Variants in RDX observed in about 807,000 individuals in gnomAD.
RDX encodes deafness, autosomal recessive 24.
RDX carries 32 observed loss-of-function variants against 83.7 expected under a neutral mutation model. That is an observed-to-expected ratio of 0.38 (90% CI 0.29 to 0.51). The LOEUF (loss-of-function observed/expected upper bound fraction) is 0.51. Among genes scored for constraint, RDX ranks in the 20% least tolerant of loss-of-function variants. RDX has a pLI of 0.87. For synonymous variants in RDX, 229 were observed against 222.7 expected (o/e 1.03, Z -0.25); for missense variants, 600 against 689.9 (o/e 0.87, Z 1.46).
At chr11:110,258,836 T>G (rs1334324053) in intron 5 of RDX, among the ~76,000 whole-genome samples, 1 of 151,690 alleles carries the variant, frequency 6.6e-6, no homozygotes, top group Non-Finnish European at 1.5e-5. Context: ...ATCCTTCCAG[T>G]GTTCTTAATT....
chr11:110,211,545 C>G (rs1863838862), intron 14 of RDX, among the ~76,000 whole-genome samples: 1 of 151,464 alleles, frequency 6.6e-6, no homozygotes, highest in Admixed American at 6.6e-5. Context: ...TTTTCAGCAC[C>G]ACACCACACC....
chr11:110,236,027 T>C lies in RDX; in HGVS notation c.1344+72A>G, dbSNP rs1359802336. 1.3e-5 allele frequency: 13 copies of C among 1,039,092 alleles called. No homozygotes were observed. The East Asian group carries it at 2.4e-4, about 19-fold the overall frequency. 64.4% of individuals were successfully genotyped at this position (1,039,092 alleles called of 1,614,324 possible). ...AAATTATGACAGTATCTTACACTTA[T>C]CACTACAAAGTCAGCATAATCCTGG... On this transcript the variant is annotated intron_variant, in intron 12 of 13. Transcript: ENST00000645495.
At chr11:110,233,192 G>A (rs1864707771) in intron 13 of RDX, 45 bp downstream of exon 13, 4 of 1,608,730 alleles carry the variant, frequency 2.5e-6, no homozygotes, top group Non-Finnish European at 3.4e-6. Context: ...TGGGGAAAAT[G>A]CAAACTATAT....
downstream of RDX, among the ~76,000 whole-genome samples, chr11:110,228,472 C>T (rs1240623666): frequency 2.6e-5 from 4 of 151,996 alleles, no homozygotes; most frequent in Non-Finnish European, 4.4e-5. Flanking sequence ...GAACTGTTTT[C>T]TCTTATTCTT....
chr11:110,276,539 T>G, intron 2 of RDX, among the ~76,000 whole-genome samples: 1 of 152,212 alleles, frequency 6.6e-6, no homozygotes, highest in Non-Finnish European at 1.5e-5. Context: ...TGATTTAGTA[T>G]TGGAACAACA....
At chr11:110,251,956 T>C (rs1307727374) in intron 9 of RDX, among the ~76,000 whole-genome samples, 1 of 152,196 alleles carries the variant, frequency 6.6e-6, no homozygotes, top group African/African-American at 2.4e-5. Flanking sequence ...AGCATACCTC[T>C]GGGCATTCTC....
At chr11:110,289,688 G>A (rs371724194) in intron 1 of RDX, among the ~76,000 whole-genome samples, 11 of 152,012 alleles carry the variant, frequency 7.2e-5, no homozygotes, top group East Asian at 1.9e-4. Context: ...AAGCCAAGGC[G>A]GGTGAATCAC....
intron 9 of RDX, 64 bp downstream of exon 9, chr11:110,253,882 G>A: frequency 7.2e-7 from 1 of 1,387,614 alleles, no homozygotes; most frequent in Non-Finnish European, 1.0e-6. Context: ...AAAAAACTGA[G>A]CAGTCTTAAA....
intron 14 of RDX, among the ~76,000 whole-genome samples, chr11:110,208,634 T>C (rs920241098): frequency 2.6e-5 from 4 of 152,222 alleles, no homozygotes; most frequent in Non-Finnish European, 5.9e-5. Flanking sequence ...GACTCTTCTT[T>C]GATTTCTAGG....
intron 15 of RDX, among the ~76,000 whole-genome samples, chr11:110,192,668 A>G (rs999807917): frequency 6.6e-6 from 1 of 152,224 alleles, no homozygotes; most frequent in Non-Finnish European, 1.5e-5. Context: ...TCATTCAAGA[A>G]GCAAAAAACA....
At chr11:110,233,142 T>G in intron 13 of RDX, 95 bp downstream of exon 13, 1 of 1,487,714 alleles carries the variant, frequency 6.7e-7, no homozygotes. Context: ...GCAGCCAGTA[T>G]TAAAACTTCT....
At chr11:110,177,418 C>A (rs1423982111) in intron 15 of RDX, among the ~76,000 whole-genome samples, 1 of 152,200 alleles carries the variant, frequency 6.6e-6, no homozygotes, top group African/African-American at 2.4e-5. Flanking sequence ...GTGGGATGTT[C>A]AGCTCCAGCG....
downstream of RDX, among the ~76,000 whole-genome samples, chr11:110,225,936 C>T (rs1179744483): frequency 6.6e-6 from 1 of 151,694 alleles, no homozygotes; most frequent in Non-Finnish European, 1.5e-5. Context: ...CATGGTGATG[C>T]ATGCCTGTAA....
chr11:110,232,090 A>C, intron 13 of RDX, 57 bp from the exon 14 acceptor site: 1 of 1,382,868 alleles, frequency 7.2e-7, no homozygotes, highest in Non-Finnish European at 1.0e-6. Flanking sequence ...AAAAAAATTT[A>C]TGAAAATGGC....
downstream of RDX, among the ~76,000 whole-genome samples, chr11:110,226,743 TG>T (rs1591126858): frequency 2.0e-5 from 3 of 152,198 alleles, no homozygotes; most frequent in East Asian, 3.8e-4. Flanking sequence ...ACTGGTCAGT[TG>T]GGTCTAAAAT....
chr11:110,215,973 A>G (rs1217860017), intron 14 of RDX, among the ~76,000 whole-genome samples: 1 of 152,132 alleles, frequency 6.6e-6, no homozygotes, highest in Non-Finnish European at 1.5e-5. Context: ...GAAGAATACA[A>G]ACTACACTGA....
At chr11:110,286,642 A>C (rs1860991053) in intron 1 of RDX, among the ~76,000 whole-genome samples, 1 of 152,218 alleles carries the variant, frequency 6.6e-6, no homozygotes, top group Non-Finnish European at 1.5e-5. Flanking sequence ...TAATTATTTT[A>C]AATTTTTTTC....
chr11:110,283,346 G>A lies in RDX; in HGVS notation c.-64-3590C>T, dbSNP rs568283986. Among the ~76,000 whole-genome samples, 97 of 152,202 alleles carry A rather than the reference G, an allele frequency of 6.4e-4. 1 individual carries two copies. Among genetic ancestry groups the A allele is most frequent in the Admixed American group, 1.1e-3 (17 of 15,268 alleles). On this transcript the variant is annotated intron_variant, in intron 1 of 13. Transcript: ENST00000645495. ...TTTTTGTATTTTTAGTAGAGACAGG[G>A]TTTCACTATGTTGCCCAGGCTGGTC...
chr11:110,289,850 T>A (rs896314479), intron 1 of RDX, among the ~76,000 whole-genome samples: 7 of 149,596 alleles, frequency 4.7e-5, no homozygotes, highest in Non-Finnish European at 8.9e-5. Flanking sequence ...TCCCAACTAC[T>A]CGGGACGCTG....
Sources: gnomAD v4.1 joint callset for allele counts (sites outside exome capture counted in the v4.1 genomes callset) on GRCh38, gnomAD v4.1.1 for gene constraint, MANE v1.5 for transcripts, NCBI Gene and HGNC (gene_info 2026-07-23, HGNC 2026-07-21) for gene names.